The following CTNNA3 variants were observed in gnomAD, a reference collection of about 807,000 sequenced individuals.
CTNNA3 encodes the protein catenin alpha-3.
CTNNA3 carries 76 observed loss-of-function variants against 95.7 expected under a neutral mutation model. The observed-to-expected ratio is 0.79, with a 90% CI of 0.66 to 0.96. The LOEUF is 0.96. Ranked by LOEUF, CTNNA3 falls within the 40% of genes least tolerant of loss-of-function variation. The probability of loss-of-function intolerance (pLI) is 0.00; values close to 1 mark genes in which losing one functional copy is unlikely to be tolerated. For synonymous variants in CTNNA3, 431 were observed against 374.4 expected, an observed-to-expected ratio of 1.15 and a Z score of -1.74; for missense variants, 1,191 against 1,089.8, an observed-to-expected ratio of 1.09 and a Z score of -1.31.
intron 10 of CTNNA3, among the ~76,000 whole-genome samples, chr10:66,568,544 C>G (rs911623919): frequency 3.9e-5 from 6 of 151,932 alleles, no homozygotes; most frequent in Admixed American, 3.9e-4. Flanking sequence ...GGGGTGGCCA[C>G]TTCTACTTCC....
In CTNNA3 at chr10:66,677,815, T is replaced by TGTGAGAATAGA. The variant is rs557483147; in HGVS notation, c.1282-56042_1282-56032dup. Among the ~76,000 whole-genome samples the TGTGAGAATAGA allele has an allele frequency of 8.0e-3, 1,222 of 152,246 alleles. 18 individuals are homozygous for TGTGAGAATAGA. Among genetic ancestry groups the TGTGAGAATAGA allele is most frequent in the African/African-American group, 0.027 (1,124 of 41,528 alleles). On this transcript the variant is annotated intron_variant, in intron 9 of 17. Transcript: ENST00000433211. ...GTCTCTGGTATGTCTTTATTAGCAGTGTGAGAATAGACTAATACAAAAGAT... is the reference window on the plus strand; with the variant it reads ...GTCTCTGGTATGTCTTTATTAGCAGTGTGAGAATAGAGTGAGAATAGACTAATACAAAAGAT...
chr10:66,394,463 C>A (rs1402096759), intron 11 of CTNNA3, among the ~76,000 whole-genome samples: 1 of 151,246 alleles, frequency 6.6e-6, no homozygotes, highest in Admixed American at 6.6e-5. Flanking sequence ...AACTCCTCTA[C>A]TACTGAGCTT....
In CTNNA3 at chr10:66,837,807, A is replaced by C. The variant is rs536100217; in HGVS notation, c.1048-62283T>G. 2.0e-5 allele frequency: 3 copies of C among 152,208 alleles called. No homozygotes were observed. The East Asian group carries it at 5.8e-4, about 29-fold the overall frequency. 9.4% of individuals were successfully genotyped at this position (152,208 alleles called of 1,614,324 possible). On this transcript the variant is annotated intron_variant, in intron 7 of 17. Coordinates refer to ENST00000433211, the MANE Select transcript of CTNNA3 (RefSeq NM_013266.4). ...TCCCACTGAGGACATATAGTAACCGAATTCCAAGATATATATTATTATATG... is the reference window on the plus strand; with the variant it reads ...TCCCACTGAGGACATATAGTAACCGCATTCCAAGATATATATTATTATATG...
intron 9 of CTNNA3, among the ~76,000 whole-genome samples, chr10:66,763,461 G>C (rs1233148016): frequency 1.1e-5 from 1 of 92,710 alleles, no homozygotes; most frequent in Non-Finnish European, 2.0e-5. Flanking sequence ...CTATAAGTCT[G>C]TAAGTCTCTC....
intron 3 of CTNNA3, among the ~76,000 whole-genome samples, chr10:67,577,324 T>C (rs1461990208): frequency 6.6e-6 from 1 of 152,212 alleles, no homozygotes; most frequent in Non-Finnish European, 1.5e-5. Context: ...TGCATAAATG[T>C]CTTCTTTTGA....
chr10:67,500,991 A>G (rs149595001), intron 5 of CTNNA3, among the ~76,000 whole-genome samples: 1,590 of 152,290 alleles, frequency 0.01, 29 homozygotes, highest in African/African-American at 0.036. Context: ...TTATGTGTCA[A>G]TTTGATCCTG....
chr10:66,638,744 T>C (rs964080872), intron 9 of CTNNA3, among the ~76,000 whole-genome samples: 1 of 152,064 alleles, frequency 6.6e-6, no homozygotes, highest in South Asian at 2.1e-4. Context: ...ACAGTTGACC[T>C]ACCTTTGTTG....
intron 13 of CTNNA3, among the ~76,000 whole-genome samples, chr10:66,191,236 C>A (rs1042466763): frequency 6.6e-6 from 1 of 152,076 alleles, no homozygotes; most frequent in Admixed American, 6.6e-5. Flanking sequence ...ATTCTAGGTT[C>A]TTGGCTTCTT....
chr10:67,283,062 G>A (rs2132447337), intron 5 of CTNNA3, among the ~76,000 whole-genome samples: 1 of 152,332 alleles, frequency 6.6e-6, no homozygotes, highest in Admixed American at 6.5e-5. Flanking sequence ...AAGGACTGCT[G>A]CACAGAGAGG....
At chr10:65,986,289 T>A in intron 16 of CTNNA3, among the ~76,000 whole-genome samples, 2 of 142,732 alleles carry the variant, frequency 1.4e-5, no homozygotes, top group African/African-American at 2.6e-5. Flanking sequence ...AAAATAAAAA[T>A]ATATATACAA....
At chr10:67,063,616 G>A (rs1855893631) in intron 7 of CTNNA3, among the ~76,000 whole-genome samples, 1 of 152,194 alleles carries the variant, frequency 6.6e-6, no homozygotes, top group Non-Finnish European at 1.5e-5. Flanking sequence ...TTTAGATAAT[G>A]CATATGACAT....
At chr10:67,327,313 T>C (rs1178648278) in intron 5 of CTNNA3, among the ~76,000 whole-genome samples, 4 of 152,192 alleles carry the variant, frequency 2.6e-5, no homozygotes, top group Non-Finnish European at 5.9e-5. Flanking sequence ...GCTTTTTGAG[T>C]TATCAGGGTT....
chr10:66,059,038 G>A lies in CTNNA3; in HGVS notation c.2159+10270C>T, dbSNP rs1003032977. Among the ~76,000 whole-genome samples the A allele has an allele frequency of 3.3e-5, 5 of 152,088 alleles. No individual in the cohort carries two copies. The East Asian group carries it at 7.8e-4, about 24-fold the overall frequency. ...TGATTGACCACATTTGTCCCCAGAA[G>A]GTTGGCCCATTACCAGACAAATGAT... On this transcript the variant is annotated intron_variant, in intron 15 of 17. Transcript: ENST00000433211.
intron 12 of CTNNA3, among the ~76,000 whole-genome samples, chr10:66,287,643 T>G (rs2091612455): frequency 6.6e-6 from 1 of 152,102 alleles, no homozygotes; most frequent in South Asian, 2.1e-4. Flanking sequence ...GGCATTAGAC[T>G]TTTCATGAGA....
intron 17 of CTNNA3, among the ~76,000 whole-genome samples, chr10:65,922,768 C>T (rs756241378): frequency 1.3e-5 from 2 of 152,006 alleles, no homozygotes; most frequent in East Asian, 1.9e-4. Flanking sequence ...AAGTTGTATT[C>T]GTTCATTTAC....
chr10:66,724,700 T>C (rs1382008820), intron 9 of CTNNA3, among the ~76,000 whole-genome samples: 1 of 152,212 alleles, frequency 6.6e-6, no homozygotes, highest in African/African-American at 2.4e-5. Context: ...ACTCTCAACA[T>C]ACTTTGGAAA....
intron 12 of CTNNA3, among the ~76,000 whole-genome samples, chr10:66,317,151 C>G (rs117146593): frequency 0.022 from 3,362 of 152,074 alleles, 77 homozygotes; most frequent in Non-Finnish European, 0.034. Flanking sequence ...AGATAAAATA[C>G]AAATTTTAAG....
chr10:66,156,624 GA>G (rs148671159), intron 13 of CTNNA3, among the ~76,000 whole-genome samples: 2,111 of 148,146 alleles, frequency 0.014, 54 homozygotes, highest in African/African-American at 0.048. Flanking sequence ...GAAAATGAAG[GA>G]AAAAAAAACA....
intron 7 of CTNNA3, among the ~76,000 whole-genome samples, chr10:66,930,722 T>A (rs555540306): frequency 1.4e-4 from 22 of 152,304 alleles, no homozygotes; most frequent in African/African-American, 5.3e-4. Flanking sequence ...ACTTGGAATA[T>A]AAAATATGAT....
Sources: allele counts gnomAD v4.1 joint callset (sites outside exome capture counted in the v4.1 genomes callset), GRCh38; gene constraint gnomAD v4.1.1; transcripts MANE v1.5; gene names NCBI Gene and HGNC (gene_info 2026-07-23, HGNC 2026-07-21).